Variants in OPHN1 observed in about 807,000 individuals in gnomAD.
OPHN1 encodes oligophrenin 1.
In OPHN1, 11 loss-of-function variants were observed where a neutral mutation model predicts 60.7. The observed-to-expected ratio is 0.18, with a 90% confidence interval of 0.11 to 0.30. The LOEUF (loss-of-function observed/expected upper bound fraction) is 0.30. Among genes scored for constraint, OPHN1 ranks in the 10% least tolerant of loss-of-function variants. OPHN1 has a pLI of 1.00. For synonymous variants in OPHN1, 226 were observed against 222.6 expected, an observed-to-expected ratio of 1.02 and a Z score of -0.14; for missense variants, 449 against 611.0, an observed-to-expected ratio of 0.73 and a Z score of 2.80.
intron 2 of OPHN1, among the ~76,000 whole-genome samples, chrX:68,351,863 ATT>A (rs1322098587): frequency 0.14 from 9,377 of 65,578 alleles, 851 homozygotes; most frequent in African/African-American, 0.28. Context: ...CGCCTGGCTA[ATT>A]TTTTTTTCTT....
intron 2 of OPHN1, among the ~76,000 whole-genome samples, chrX:68,355,903 G>A (rs1347106481): frequency 9.0e-6 from 1 of 111,001 alleles, no homozygotes; most frequent in African/African-American, 3.3e-5. Context: ...AGAATTAGCT[G>A]GGTGTGGGTG....
chrX:68,187,849 G>A lies in OPHN1; in HGVS notation c.1276+5070C>T, dbSNP rs181751995. Among the ~76,000 whole-genome samples the A allele has an allele frequency of 3.9e-4, 44 of 111,747 alleles. 1 individual carries two copies. Among genetic ancestry groups the A allele is most frequent in the South Asian group, 7.5e-4 (2 of 2,676 alleles). On this transcript the variant is annotated intron_variant, in intron 15 of 24. Coordinates refer to ENST00000355520, the MANE Select transcript of OPHN1 (RefSeq NM_002547.3). ...TCACCATGTTAGCCAGGATGGTCTC[G>A]ATCTCCTGACCTCGTGATCCGCCCG... is the stretch of plus-strand genomic sequence containing the variant.
At chrX:68,196,119 C>T (rs1486589378) in intron 12 of OPHN1, among the ~76,000 whole-genome samples, 1 of 111,848 alleles carries the variant, frequency 8.9e-6, no homozygotes, top group Admixed American at 9.5e-5. Flanking sequence ...CTCCTGCTAC[C>T]TTCCAGTTTA....
chrX:68,282,429 T>C, intron 4 of OPHN1, among the ~76,000 whole-genome samples: 1 of 111,631 alleles, frequency 9.0e-6, no homozygotes, highest in Non-Finnish European at 1.9e-5. Context: ...ACAAAAGAAA[T>C]GTTCACGGCC....
chrX:68,249,233 C>A (rs1446115239), intron 5 of OPHN1, among the ~76,000 whole-genome samples: 2 of 111,371 alleles, frequency 1.8e-5, no homozygotes, highest in Non-Finnish European at 3.8e-5. Context: ...CTATGTACCC[C>A]AAAAAATTAA....
At chrX:68,181,544 G>A (rs1213989614) in intron 15 of OPHN1, among the ~76,000 whole-genome samples, 1 of 111,343 alleles carries the variant, frequency 9.0e-6, no homozygotes, top group Admixed American at 9.6e-5. Context: ...GCATCCCTAG[G>A]CCAGGAATGG....
chrX:68,380,713 G>A (rs1282247693), intron 2 of OPHN1, among the ~76,000 whole-genome samples: 1 of 111,519 alleles, frequency 9.0e-6, no homozygotes, highest in African/African-American at 3.3e-5. Flanking sequence ...GGAGCAGGTT[G>A]TTCAGTTTCC....
intron 2 of OPHN1, among the ~76,000 whole-genome samples, chrX:68,415,751 A>C: frequency 9.0e-6 from 1 of 111,218 alleles, no homozygotes; most frequent in East Asian, 2.8e-4. Context: ...GTGGTGGCCC[A>C]TGCCTGTAAT....
intron 5 of OPHN1, among the ~76,000 whole-genome samples, chrX:68,270,225 C>A (rs987577740): frequency 1.2e-4 from 13 of 111,103 alleles, no homozygotes; most frequent in African/African-American, 3.9e-4. Flanking sequence ...TTCACCCAGC[C>A]ATCCCATTAC....
intron 2 of OPHN1, among the ~76,000 whole-genome samples, chrX:68,419,369 C>A (rs748679873): frequency 9.2e-6 from 1 of 109,187 alleles, no homozygotes; most frequent in South Asian, 4.0e-4. Context: ...CACACTGGCA[C>A]CCCGCACTTC....
In OPHN1 at chrX:68,426,437, T is replaced by G. The variant is rs528498795; in HGVS notation, c.154+6430A>C. Among the ~76,000 whole-genome samples the G allele has an allele frequency of 2.9e-5, 3 of 104,575 alleles. No individual in the cohort carries two copies. The South Asian group carries it at 1.4e-3, about 47-fold the overall frequency. 90.8% of individuals were successfully genotyped at this position (104,575 alleles called of 115,157 possible). The stretch of plus-strand genomic sequence containing the variant: ...GCCTGGGTGACTGAGTAAGACTCTG[T>G]CTCAACAACAACAAAAAAAACATGA... On this transcript the variant is annotated intron_variant, in intron 2 of 24. Transcript: ENST00000355520.
intron 19 of OPHN1, among the ~76,000 whole-genome samples, chrX:68,085,299 T>C (rs2076991203): frequency 8.9e-6 from 1 of 112,190 alleles, no homozygotes; most frequent in African/African-American, 3.2e-5. Flanking sequence ...CCCAAAGATA[T>C]CTACCATACT....
intron 2 of OPHN1, among the ~76,000 whole-genome samples, chrX:68,398,714 C>T (rs1186177023): frequency 9.0e-6 from 1 of 110,913 alleles, no homozygotes; most frequent in South Asian, 3.8e-4. Flanking sequence ...TTTGGGAGGC[C>T]GTGGTGGGCG....
chrX:68,182,297 A>T (rs2077441813), intron 15 of OPHN1, among the ~76,000 whole-genome samples: 1 of 104,437 alleles, frequency 9.6e-6, no homozygotes, highest in Non-Finnish European at 1.9e-5. Flanking sequence ...TCTCAGGAAC[A>T]TGCATGGTCC....
rs765136910 is a variant in OPHN1 at position 68,095,949 on chromosome X, A to G, written c.1686+921T>C. Reference sequence around the variant, plus strand: ...ATGCCTTATATTTTATGTGCAATATAAAATATGCTACCATATATACTTTTG... The same window carrying G: ...ATGCCTTATATTTTATGTGCAATATGAAATATGCTACCATATATACTTTTG... On this transcript the variant is annotated intron_variant, in intron 19 of 24. Transcript: ENST00000355520. 9.8e-5 allele frequency among the ~76,000 whole-genome samples: 11 copies of G among 112,030 alleles called. No homozygotes were observed. In the South Asian group the frequency reaches 2.2e-3, roughly 23 times the overall value.
chrX:68,052,487 A>C (rs2076856104), intron 23 of OPHN1, 53 bp downstream of exon 23: 1 of 1,027,980 alleles, frequency 9.7e-7, no homozygotes, highest in African/African-American at 1.9e-5. Flanking sequence ...TATGCTAAGG[A>C]TGCAGTTATT....
intron 2 of OPHN1, among the ~76,000 whole-genome samples, chrX:68,330,130 C>T (rs2078287436): frequency 9.4e-6 from 1 of 106,837 alleles, no homozygotes; most frequent in Non-Finnish European, 1.9e-5. Context: ...GACAGAGTTT[C>T]ACTCTGTCGC....
intron 5 of OPHN1, among the ~76,000 whole-genome samples, chrX:68,260,063 A>T (rs1372933901): frequency 9.0e-6 from 1 of 111,598 alleles, no homozygotes; most frequent in Non-Finnish European, 1.9e-5. Context: ...AAATTTTCAC[A>T]AACTGAACAC....
intron 19 of OPHN1, among the ~76,000 whole-genome samples, chrX:68,084,496 A>C (rs1374716840): frequency 1.8e-5 from 2 of 110,190 alleles, no homozygotes; most frequent in African/African-American, 3.3e-5. Context: ...GGAGTGAAGC[A>C]GTTACATGCT....
Sources: gnomAD v4.1 joint callset for allele counts (sites outside exome capture counted in the v4.1 genomes callset) on GRCh38, gnomAD v4.1.1 for gene constraint, MANE v1.5 for transcripts, NCBI Gene and HGNC (gene_info 2026-07-23, HGNC 2026-07-21) for gene names.